The following FARS2 variants were observed in gnomAD, a reference collection of about 807,000 sequenced individuals.
The protein encoded by FARS2 is phenylalanyl-tRNA synthetase 2, mitochondrial.
A neutral mutation model predicts 46.4 loss-of-function variants in FARS2; 40 were observed. That is an observed-to-expected ratio of 0.86 (90% CI 0.67 to 1.12). FARS2 has a LOEUF of 1.12. Ranked by LOEUF, FARS2 falls within the 50% of genes most tolerant of loss-of-function variation. FARS2 has a pLI of 0.00. For missense variants in FARS2, 513 were observed against 567.9 expected (o/e 0.90, Z 0.98); for synonymous variants, 234 against 214.9 (o/e 1.09, Z -0.78).
At chr6:5,266,814 G>A (rs1327347609) in intron 1 of FARS2, among the ~76,000 whole-genome samples, 1 of 152,070 alleles carries the variant, frequency 6.6e-6, no homozygotes, top group Non-Finnish European at 1.5e-5. Flanking sequence ...TTTTATACTA[G>A]CTTTTTAGTT....
At chr6:5,288,261 G>A (rs1767263511) in intron 1 of FARS2, among the ~76,000 whole-genome samples, 1 of 152,120 alleles carries the variant, frequency 6.6e-6, no homozygotes, top group Admixed American at 6.5e-5. Flanking sequence ...GTAGTCAATA[G>A]CTTGAAGTGA....
intron 6 of FARS2, among the ~76,000 whole-genome samples, chr6:5,761,791 AT>A (rs1561842521): frequency 1.3e-5 from 2 of 150,026 alleles, no homozygotes; most frequent in Non-Finnish European, 2.9e-5. Context: ...CTGCCATAGC[AT>A]TAAGAGTGGA....
intron 5 of FARS2, among the ~76,000 whole-genome samples, chr6:5,556,741 T>C (rs1771683877): frequency 6.6e-6 from 1 of 152,020 alleles, no homozygotes; most frequent in Non-Finnish European, 1.5e-5. Flanking sequence ...TTTCTTACAG[T>C]TTTCTTGTAG....
intron 1 of FARS2, among the ~76,000 whole-genome samples, chr6:5,284,127 C>T (rs1298216162): frequency 2.0e-5 from 3 of 152,162 alleles, no homozygotes; most frequent in South Asian, 4.1e-4. Context: ...TTTCAATTTG[C>T]ATTTCTCTCA....
chr6:5,330,297 A>G (rs987953000), intron 1 of FARS2, among the ~76,000 whole-genome samples: 7 of 152,184 alleles, frequency 4.6e-5, no homozygotes, highest in African/African-American at 1.4e-4. Flanking sequence ...AGTCTTATCC[A>G]TCCTCACTTT....
At chr6:5,708,164 A>G (rs930703242) in intron 6 of FARS2, among the ~76,000 whole-genome samples, 1 of 152,150 alleles carries the variant, frequency 6.6e-6, no homozygotes, top group Non-Finnish European at 1.5e-5. Flanking sequence ...AGCTTTGTAC[A>G]ACATTGCCCT....
chr6:5,734,594 C>T (rs759245217), intron 6 of FARS2, among the ~76,000 whole-genome samples: 1 of 152,146 alleles, frequency 6.6e-6, no homozygotes, highest in Admixed American at 6.5e-5. Context: ...ACAGGGAACA[C>T]GTACATAGCA....
At chr6:5,715,062 C>T (rs1759411913) in intron 6 of FARS2, among the ~76,000 whole-genome samples, 1 of 151,882 alleles carries the variant, frequency 6.6e-6, no homozygotes, top group Non-Finnish European at 1.5e-5. Context: ...GTCCAGTGAA[C>T]ATTTTACATG....
At chr6:5,715,533 A>G (rs1024363676) in intron 6 of FARS2, among the ~76,000 whole-genome samples, 49 of 152,102 alleles carry the variant, frequency 3.2e-4, no homozygotes, top group African/African-American at 1.1e-3. Flanking sequence ...TGTTTCTACA[A>G]TTTACCTATT....
intron 1 of FARS2, among the ~76,000 whole-genome samples, chr6:5,359,718 C>T (rs1758182909): frequency 6.6e-6 from 1 of 152,202 alleles, no homozygotes. Context: ...GCCTTAAATA[C>T]GTTGTTGAGA....
rs369196858 is a variant in FARS2 at position 5,288,873 on chromosome 6, G to T, written c.-22+27213G>T. ...TTAAGCAACCCAGTTTTTGAGTCTGGTTTCTCCATCATGAAAATGTTGCAA... is the reference window on the plus strand; with the variant it reads ...TTAAGCAACCCAGTTTTTGAGTCTGTTTTCTCCATCATGAAAATGTTGCAA... On this transcript the variant is annotated intron_variant, in intron 1 of 6. Transcript: ENST00000274680. 5.9e-5 allele frequency among the ~76,000 whole-genome samples: 9 copies of T among 152,216 alleles called. No homozygotes were observed. In the South Asian group the frequency reaches 1.5e-3, roughly 25 times the overall value.
chr6:5,456,471 C>T (rs1294451896), intron 4 of FARS2, among the ~76,000 whole-genome samples: 10 of 149,524 alleles, frequency 6.7e-5, no homozygotes, highest in Admixed American at 4.6e-4. Flanking sequence ...CGGTGGCTCA[C>T]GCCTGTAATC....
At chr6:5,698,111 TACTC>T (rs1175668918) in intron 6 of FARS2, among the ~76,000 whole-genome samples, 2 of 152,176 alleles carry the variant, frequency 1.3e-5, no homozygotes, top group Middle Eastern at 3.2e-3. Context: ...GGAAATATCT[TACTC>T]ACAAGGTTTA....
intron 6 of FARS2, among the ~76,000 whole-genome samples, chr6:5,634,446 G>A (rs927038658): frequency 1.3e-5 from 2 of 152,144 alleles, no homozygotes; most frequent in African/African-American, 4.8e-5. Flanking sequence ...GGGACCACAG[G>A]TGTATACCAC....
Position 5,436,358 on chromosome 6 carries a change from A to G in FARS2, c.904+5186A>G, listed in dbSNP as rs112173821. 3.0e-3 allele frequency among the ~76,000 whole-genome samples: 435 copies of G among 146,008 alleles called. 3 individuals are homozygous for G. Among genetic ancestry groups the G allele is most frequent in the African/African-American group, 0.01 (417 of 40,522 alleles). ...TCTATAGCCTCTACACATACTTAACATGGTTCACTGTTGTTGATCTCAGTT... is the reference window on the plus strand; with the variant it reads ...TCTATAGCCTCTACACATACTTAACGTGGTTCACTGTTGTTGATCTCAGTT... On this transcript the variant is annotated intron_variant, in intron 4 of 6. Transcript: ENST00000274680.
intron 6 of FARS2, among the ~76,000 whole-genome samples, chr6:5,669,814 C>CT (rs1778358352): frequency 6.6e-6 from 1 of 152,146 alleles, no homozygotes; most frequent in East Asian, 1.9e-4. Context: ...CGGAGTTGGG[C>CT]TTATTGGAGG....
At chr6:5,739,821 G>T (rs1761212563) in intron 6 of FARS2, among the ~76,000 whole-genome samples, 1 of 152,184 alleles carries the variant, frequency 6.6e-6, no homozygotes, top group East Asian at 1.9e-4. Context: ...GTGAGCAAAG[G>T]CAGGGGAGTT....
intron 5 of FARS2, among the ~76,000 whole-genome samples, chr6:5,581,404 T>TA (rs748516788): frequency 6.6e-6 from 1 of 152,128 alleles, no homozygotes; most frequent in Non-Finnish European, 1.5e-5. Context: ...TGCTTTTACA[T>TA]AAAAAAACAA....
chr6:5,599,849 T>G (rs1386993687), intron 5 of FARS2, among the ~76,000 whole-genome samples: 1 of 152,176 alleles, frequency 6.6e-6, no homozygotes, highest in Non-Finnish European at 1.5e-5. Context: ...GAGGCACATG[T>G]GATATTTTAT....
Sources: gnomAD v4.1 joint callset for allele counts (sites outside exome capture counted in the v4.1 genomes callset) on GRCh38, gnomAD v4.1.1 for gene constraint, MANE v1.5 for transcripts, NCBI Gene and HGNC (gene_info 2026-07-23, HGNC 2026-07-21) for gene names.